Variants in FZD6 observed in about 807,000 individuals in gnomAD.
The protein encoded by FZD6 is frizzled-6.
FZD6 carries 49 observed loss-of-function variants against 61.4 expected under a neutral mutation model. That is an observed-to-expected ratio of 0.80 (90% CI 0.63 to 1.01). FZD6 has a LOEUF of 1.01. FZD6 is among the 50% of genes least tolerant of loss of function. The pLI is 0.00. For missense variants in FZD6, 724 were observed against 848.2 expected, an observed-to-expected ratio of 0.85 and a Z score of 1.82; for synonymous variants, 265 against 292.2, an observed-to-expected ratio of 0.91 and a Z score of 0.95.
chr8:103,328,462 T>G, intron 5 of FZD6, 46 bp downstream of exon 5: 1 of 1,326,992 alleles, frequency 7.5e-7, no homozygotes, highest in Non-Finnish European at 1.1e-6. Flanking sequence ...AATAAATAGA[T>G]CAAAATACCA....
intron 2 of FZD6, among the ~76,000 whole-genome samples, chr8:103,308,464 CAT>C (rs1414420225): frequency 6.6e-6 from 1 of 152,208 alleles, no homozygotes; most frequent in East Asian, 1.9e-4. Flanking sequence ...CTACTGATAA[CAT>C]AGACAGTGAT....
At chr8:103,322,055 C>T (rs1329115532) in intron 3 of FZD6, among the ~76,000 whole-genome samples, 2 of 152,252 alleles carry the variant, frequency 1.3e-5, no homozygotes, top group Non-Finnish European at 2.9e-5. Context: ...ATATCTCAGC[C>T]ACTATGCTAT....
intron 2 of FZD6, among the ~76,000 whole-genome samples, chr8:103,316,482 T>G (rs999153525): frequency 5.9e-5 from 9 of 152,224 alleles, no homozygotes; most frequent in African/African-American, 2.2e-4. Flanking sequence ...TTATTTTCCT[T>G]CCTTGTTTAT....
rs1299621945 is a variant in FZD6, at chr8:103,331,597, C to A, written c.*88C>A. The A allele has an allele frequency of 4.6e-6, 4 of 867,776 alleles. No homozygotes were observed. The highest frequency in any genetic ancestry group is 3.3e-5 in the African/African-American group (2 of 60,466). 53.8% of individuals were successfully genotyped at this position (867,776 alleles called of 1,614,324 possible). On this transcript the variant is annotated 3_prime_UTR_variant, in exon 7 of 7. Coordinates refer to ENST00000358755, the MANE Select transcript of FZD6 (RefSeq NM_003506.4). ...GTTTTGTAAGAATCACTGTTACATTCTTCTTTTGCACTTAAAGTTGCATTG... is the reference window on the plus strand; with the variant it reads ...GTTTTGTAAGAATCACTGTTACATTATTCTTTTGCACTTAAAGTTGCATTG...
In FZD6 at chr8:103,329,903, TGA is replaced by T; in HGVS notation, c.1796_1797del (p.Glu599GlyfsTer7). On this transcript the variant is annotated frameshift_variant, in exon 6 of 7. Coordinates refer to ENST00000358755, the MANE Select transcript of FZD6 (RefSeq NM_003506.4). LOFTEE classifies it high-confidence loss of function. ...ATCCAAACCTCACCAGAAACATCAA[TGA>T]GAGAGGTGAAAGCGGACGGAGCTAG... 1.2e-6 allele frequency: 2 copies of T among 1,613,838 alleles called. No individual in the cohort carries two copies. The highest frequency in any genetic ancestry group is 1.7e-6 in the Non-Finnish European group (2 of 1,179,912).
intron 2 of FZD6, chr8:103,307,774 A>G (rs774878232): frequency 2.9e-5 from 13 of 456,132 alleles, no homozygotes; most frequent in South Asian, 2.0e-4. Flanking sequence ...GTTAAGCAGA[A>G]AAGGAATTGA....
chr8:103,331,481 AG>A lies in FZD6; in HGVS notation c.2096del (p.Gly699GlufsTer26), dbSNP rs1815130370. 1 of 1,612,464 alleles carries A rather than the reference AG, an allele frequency of 6.2e-7. No individual in the cohort carries two copies. The highest frequency in any genetic ancestry group is 2.2e-5 in the East Asian group (1 of 44,872). ...VHPVSGVRKE[Q>X]GGGCHSDT ...CCGGTTTCAGGAGTGAGAAAAGAGCAGGGAGGTGGTTGTCATTCAGATACTT... is the reference window on the plus strand; with the variant it reads ...CCGGTTTCAGGAGTGAGAAAAGAGCAGGAGGTGGTTGTCATTCAGATACTT... On this transcript the variant is annotated frameshift_variant, in exon 7 of 7. Transcript: ENST00000358755. LOFTEE classifies it high-confidence loss of function.
At chr8:103,310,422 C>A (rs1269049260) in intron 2 of FZD6, among the ~76,000 whole-genome samples, 5 of 152,066 alleles carry the variant, frequency 3.3e-5, no homozygotes, top group African/African-American at 9.7e-5. Context: ...GGGCTGTGTG[C>A]ATTGACAACC....
intron 6 of FZD6, 74 bp downstream of exon 6, chr8:103,330,139 C>T (rs1337493823): frequency 2.2e-6 from 3 of 1,334,540 alleles, no homozygotes; most frequent in Non-Finnish European, 2.2e-6. Flanking sequence ...AAGCATAACA[C>T]ATTTGGAAAG....
chr8:103,300,650 G>T (rs1322429276), intron 2 of FZD6, among the ~76,000 whole-genome samples: 2 of 152,064 alleles, frequency 1.3e-5, no homozygotes, highest in African/African-American at 4.8e-5. Context: ...TTATTGCCTG[G>T]ACTAAAACTG....
rs755768961 is a variant in FZD6 at position 103,329,692 on chromosome 8, TGTGA to T, written c.1582_1585del (p.Glu528PhefsTer3). On this transcript the variant is annotated frameshift_variant, in exon 6 of 7. Transcript: ENST00000358755. LOFTEE classifies it high-confidence loss of function. ...AAGTCGAAGAGTACTACAGGAATCA[TGTGA>T]GTTTTTCTTAAAGCACAATTCTAAA... 2 of 1,611,758 alleles carry T rather than the reference TGTGA, an allele frequency of 1.2e-6. No individual in the cohort carries two copies. Among genetic ancestry groups the T allele is most frequent in the Non-Finnish European group, 1.7e-6 (2 of 1,178,122 alleles).
rs1346423977 is a variant in FZD6, at chr8:103,328,145, T to C, written c.1393-123T>C. The C allele has an allele frequency of 5.4e-6, 4 of 745,390 alleles. No individual in the cohort carries two copies. In the African/African-American group the frequency reaches 7.1e-5, roughly 13 times the overall value. 46.2% of individuals were successfully genotyped at this position (745,390 alleles called of 1,614,324 possible). On this transcript the variant is annotated intron_variant, in intron 4 of 6. Coordinates refer to ENST00000358755, the MANE Select transcript of FZD6 (RefSeq NM_003506.4). ...CTTAGAGCATGCTTCATTATATTATTTCAAACCTTTTTAGTAAAACAGTTG... is the reference window on the plus strand; with the variant it reads ...CTTAGAGCATGCTTCATTATATTATCTCAAACCTTTTTAGTAAAACAGTTG...
chr8:103,323,382 G>C (rs1157235745), intron 3 of FZD6, among the ~76,000 whole-genome samples: 2 of 150,666 alleles, frequency 1.3e-5, no homozygotes, highest in Non-Finnish European at 3.0e-5. Context: ...GTTTTAGTCT[G>C]TTCTTATCTA....
In FZD6 at chr8:103,300,260, G is replaced by C; in HGVS notation, c.153G>C (p.Gln51His). Residue 51 changes from glutamine (Q) to histidine (H), a missense_variant, in exon 2 of 7, where the codon CAG (glutamine) becomes CAC (histidine). Coordinates refer to ENST00000358755, the MANE Select transcript of FZD6 (RefSeq NM_003506.4). Reference protein sequence around the residue: ...FFPNLMGHYDQSIAAVEMEHF... With the variant: ...FFPNLMGHYDHSIAAVEMEHF... ...CTAATCTGATGGGTCATTATGACCA[G>C]AGTATTGCCGCGGTGGAAATGGAGG... 6.2e-7 allele frequency: 1 copy of C among 1,611,936 alleles called. No homozygotes were observed. Among genetic ancestry groups the C allele is most frequent in the Non-Finnish European group, 8.5e-7 (1 of 1,177,974 alleles).
chr8:103,318,929 A>G (rs1814706104), intron 3 of FZD6, 143 bp downstream of exon 3: 4 of 684,532 alleles, frequency 5.8e-6, no homozygotes, highest in Non-Finnish European at 1.0e-5. Flanking sequence ...TATGGTGCTA[A>G]GTGCTGTGGA....
intron 2 of FZD6, among the ~76,000 whole-genome samples, chr8:103,306,876 C>T (rs1814349459): frequency 6.6e-6 from 1 of 152,006 alleles, no homozygotes. Context: ...CACTGTAAAT[C>T]GACTTTGTTT....
At chr8:103,301,687 G>A (rs1228301714) in intron 2 of FZD6, among the ~76,000 whole-genome samples, 3 of 152,000 alleles carry the variant, frequency 2.0e-5, no homozygotes, top group Admixed American at 6.6e-5. Flanking sequence ...GATTACAGGC[G>A]CGAGCTACTG....
intron 2 of FZD6, among the ~76,000 whole-genome samples, chr8:103,312,942 G>C (rs1814537433): frequency 6.6e-6 from 1 of 152,092 alleles, no homozygotes; most frequent in South Asian, 2.1e-4. Flanking sequence ...CAATCCTCTT[G>C]ATATATTTTC....
intron 6 of FZD6, among the ~76,000 whole-genome samples, chr8:103,330,391 G>A (rs1815086727): frequency 6.6e-6 from 1 of 152,068 alleles, no homozygotes; most frequent in Admixed American, 6.6e-5. Flanking sequence ...TCTAAAAAGT[G>A]TCACCTTATA....
Sources: allele counts gnomAD v4.1 joint callset (sites outside exome capture counted in the v4.1 genomes callset), GRCh38; gene constraint gnomAD v4.1.1; transcripts MANE v1.5; gene names NCBI Gene and HGNC (gene_info 2026-07-23, HGNC 2026-07-21).